Variants in MTAP observed in about 807,000 individuals in gnomAD.
MTAP encodes the protein methylthioadenosine phosphorylase.
In MTAP, 33 loss-of-function variants were observed where a neutral mutation model predicts 33.6. The ratio of observed to expected loss-of-function variants is 0.98; its 90% CI spans 0.74 to 1.31. The LOEUF is 1.31. Among genes scored for constraint, MTAP ranks in the 40% most tolerant of loss-of-function variants. The pLI is 0.00. For synonymous variants in MTAP, 148 were observed against 125.7 expected (o/e 1.18, Z -1.19); for missense variants, 367 against 360.0 (o/e 1.02, Z -0.16).
chr9:21,888,936 A>G (rs1048996028), intron 1 of MTAP, among the ~76,000 whole-genome samples: 2 of 152,100 alleles, frequency 1.3e-5, no homozygotes, highest in African/African-American at 4.8e-5. Context: ...GATTAACGCA[A>G]ATTTCTCAGC....
intron 1 of MTAP, among the ~76,000 whole-genome samples, chr9:21,914,995 TTTTC>T (rs1287365415): frequency 1.3e-4 from 17 of 133,440 alleles, no homozygotes; most frequent in South Asian, 5.0e-4. Context: ...CAATACTTTG[TTTTC>T]TTTCCTTCCT....
In MTAP at chr9:21,916,700, C is replaced by T. The variant is rs192444614; in HGVS notation, c.148-14308C>T. Among the ~76,000 whole-genome samples the T allele has an allele frequency of 1.8e-4, 28 of 152,202 alleles. 1 individual carries two copies. Among genetic ancestry groups the T allele is most frequent in the Admixed American group, 1.6e-3 (25 of 15,292 alleles). ...AGATTGAAATGTTGCATCTACAAGC[C>T]AAGAAATCCCTGATGTCACTGACAC... On this transcript the variant is annotated intron_variant, in intron 1 of 1. Coordinates refer to the MTAP transcript ENST00000577563.
chr9:21,842,481 G>A (rs1176324069), intron 5 of MTAP, among the ~76,000 whole-genome samples: 1 of 152,136 alleles, frequency 6.6e-6, no homozygotes, highest in Non-Finnish European at 1.5e-5. Context: ...CAAGATGAAA[G>A]AATCTTAAGA....
Position 21,818,043 on chromosome 9 carries a change from G to A in MTAP, c.188G>A (p.Arg63Lys). The A allele has an allele frequency of 6.2e-7, 1 of 1,610,896 alleles. No individual in the cohort carries two copies. The highest frequency in any genetic ancestry group is 8.5e-7 in the Non-Finnish European group (1 of 1,178,800). ...VDCVLLARHG[R>K]QHTIMPSKVN... ...CTTCTCTCCTTCCATAGGCATGGAA[G>A]GCAGCACACCATCATGCCTTCAAAG... Residue 63 changes from arginine to lysine, a missense_variant, in exon 4 of 8, where the codon AGG becomes AAG. Coordinates refer to ENST00000644715, the MANE Select transcript of MTAP (RefSeq NM_002451.4).
chr9:21,810,751 G>C (rs967060801), intron 1 of MTAP, among the ~76,000 whole-genome samples: 2 of 152,204 alleles, frequency 1.3e-5, no homozygotes, highest in Non-Finnish European at 2.9e-5. Context: ...CTGAGGTACT[G>C]AGAGTTGGAA....
chr9:21,894,782 G>A (rs1563862191), intron 1 of MTAP, among the ~76,000 whole-genome samples: 1 of 151,534 alleles, frequency 6.6e-6, no homozygotes, highest in African/African-American at 2.4e-5. Context: ...ACTCCATAGT[G>A]TCTGTCCAAA....
At chr9:21,852,980 C>A (rs1825553876) in intron 5 of MTAP, among the ~76,000 whole-genome samples, 1 of 152,148 alleles carries the variant, frequency 6.6e-6, no homozygotes, top group African/African-American at 2.4e-5. Context: ...AAAATGAAAT[C>A]ATCTTAAACT....
At chr9:21,916,474 G>A (rs1659077784) in intron 1 of MTAP, among the ~76,000 whole-genome samples, 1 of 152,110 alleles carries the variant, frequency 6.6e-6, no homozygotes, top group Non-Finnish European at 1.5e-5. Flanking sequence ...GCTGGGCATG[G>A]TGGCAGGCAC....
In MTAP at chr9:21,816,831, A is replaced by C. The variant is rs141169399; in HGVS notation, c.179+59A>C. ...TAAAGGATAATTTAAATTTAACTTA[A>C]ATTCTGGAAAGAGTAAAGATACAGG... On this transcript the variant is annotated intron_variant, in intron 3 of 7. Transcript: ENST00000644715. 1.5e-4 allele frequency: 216 copies of C among 1,443,132 alleles called. No homozygotes were observed. In the African/African-American group the frequency reaches 1.6e-3, roughly 11 times the overall value. 89.4% of individuals were successfully genotyped at this position (1,443,132 alleles called of 1,614,324 possible).
At chr9:21,851,326 G>C (rs972645043) in intron 5 of MTAP, among the ~76,000 whole-genome samples, 2 of 152,220 alleles carry the variant, frequency 1.3e-5, no homozygotes, top group Non-Finnish European at 2.9e-5. Context: ...ATTGTCATGA[G>C]TATTTCCTCC....
chr9:21,821,719 C>T (rs555076767), intron 4 of MTAP, among the ~76,000 whole-genome samples: 1 of 152,206 alleles, frequency 6.6e-6, no homozygotes, highest in African/African-American at 2.4e-5. Flanking sequence ...CCTCCTTGTA[C>T]CTCTGGTAGA....
chr9:21,831,968 A>T (rs1824978504), intron 4 of MTAP, among the ~76,000 whole-genome samples: 1 of 152,226 alleles, frequency 6.6e-6, no homozygotes, highest in South Asian at 2.1e-4. Context: ...ATCTCAGCTT[A>T]GAAGTGAGGA....
At chr9:21,803,057 A>G (rs985972339) in intron 1 of MTAP, 36 of 853,160 alleles carry the variant, frequency 4.2e-5, no homozygotes, top group Non-Finnish European at 3.1e-6. Flanking sequence ...GCTTATCTGC[A>G]CCCGCACCCT....
At chr9:21,832,393 G>A (rs182492428) in intron 4 of MTAP, among the ~76,000 whole-genome samples, 83 of 152,112 alleles carry the variant, frequency 5.5e-4, no homozygotes, top group African/African-American at 1.8e-3. Flanking sequence ...AAAGAGTTAC[G>A]CAAGAAGCCT....
chr9:21,814,714 A>C (rs1431552903), intron 1 of MTAP, among the ~76,000 whole-genome samples: 1 of 152,244 alleles, frequency 6.6e-6, no homozygotes, highest in South Asian at 2.1e-4. Flanking sequence ...AAAAAAACTT[A>C]TAACTACCTT....
downstream of MTAP, among the ~76,000 whole-genome samples, chr9:21,870,873 A>G (rs1825925390): frequency 1.3e-5 from 2 of 149,772 alleles, no homozygotes; most frequent in Middle Eastern, 3.4e-3. Flanking sequence ...TCCCAGGTTC[A>G]AGCAATTCTG....
rs11440723 is a variant in MTAP at position 21,883,948 on chromosome 9, T to TA, written c.147+29079dup. On this transcript the variant is annotated intron_variant, in intron 1 of 1. Transcript: ENST00000577563. ...AAGGTCATGTGGGAGCTTTGGTTTT[T>TA]ATGTCCAGAGGGCTGTGAAGCTGCA... Among the ~76,000 whole-genome samples the TA allele has an allele frequency of 8.5e-3, 1,294 of 152,196 alleles. 21 individuals are homozygous for TA. Among genetic ancestry groups the TA allele is most frequent in the African/African-American group, 0.029 (1,192 of 41,524 alleles).
rs142979632 is a variant in MTAP at position 21,835,784 on chromosome 9, G to T, written c.348-2124G>T. Among the ~76,000 whole-genome samples the T allele has an allele frequency of 9.2e-5, 14 of 152,290 alleles. No individual in the cohort carries two copies. The East Asian group carries it at 2.7e-3, about 29-fold the overall frequency. On this transcript the variant is annotated intron_variant, in intron 4 of 7. Transcript: ENST00000644715. ...CAGAATTTCATTCAGCATTAACAAT[G>T]ACACATCCTGTTATGCTGTGCAGGT... is the stretch of plus-strand genomic sequence containing the variant.
At chr9:21,897,913 C>T (rs903876710) in intron 1 of MTAP, among the ~76,000 whole-genome samples, 24 of 152,250 alleles carry the variant, frequency 1.6e-4, no homozygotes, top group East Asian at 9.6e-4. Context: ...AAAAAGAGCC[C>T]GCATTGCCAA....
Sources: allele counts gnomAD v4.1 joint callset (sites outside exome capture counted in the v4.1 genomes callset), GRCh38; gene constraint gnomAD v4.1.1; transcripts MANE v1.5; gene names NCBI Gene and HGNC (gene_info 2026-07-23, HGNC 2026-07-21).